Variants in PLA2G6 observed in about 807,000 individuals in gnomAD.
PLA2G6 encodes phospholipase A2 group VI.
In PLA2G6, 62 loss-of-function variants were observed where a neutral mutation model predicts 83.8. The observed-to-expected ratio is 0.74, with a 90% CI of 0.60 to 0.91. The LOEUF is 0.91. Ranked by LOEUF, PLA2G6 falls within the 40% of genes least tolerant of loss-of-function variation. The probability of loss-of-function intolerance (pLI) is 0.00; values close to 1 mark genes in which losing one functional copy is unlikely to be tolerated. For synonymous variants in PLA2G6, 417 were observed against 449.8 expected (o/e 0.93, Z 0.92); for missense variants, 944 against 1,102.0 (o/e 0.86, Z 2.03).
rs1265508339 is a variant in PLA2G6 at position 38,126,497 on chromosome 22, C to T, written c.1349-48G>A. 22 of 1,428,648 alleles carry T rather than the reference C, an allele frequency of 1.5e-5. No homozygotes were observed. In the East Asian group the frequency reaches 5.0e-4, roughly 32 times the overall value. 88.5% of individuals were successfully genotyped at this position (1,428,648 alleles called of 1,614,324 possible). Reference sequence around the variant, plus strand: ...TGCTGTGGTCAGGTGGGTCCCCAAGCCCTGCTACCCCAGAGGTCCCTAGAT... The same window carrying T: ...TGCTGTGGTCAGGTGGGTCCCCAAGTCCTGCTACCCCAGAGGTCCCTAGAT... On this transcript the variant is annotated intron_variant, in intron 9 of 16. Transcript: ENST00000332509.
chr22:38,113,669 A>C lies in PLA2G6; in HGVS notation c.2035-15T>G. On this transcript the variant is annotated splice_polypyrimidine_tract_variant and intron_variant, in intron 14 of 16. Transcript: ENST00000332509. ...TTGGCCTGACCCTGTTGGGAACAGG[A>C]CAGGGGCAGTCAGAAGAGACCTTCC... 6.2e-7 allele frequency: 1 copy of C among 1,613,028 alleles called. No homozygotes were observed. The highest frequency in any genetic ancestry group is 8.5e-7 in the Non-Finnish European group (1 of 1,179,708).
chr22:38,124,254 G>A (rs1039751567), intron 10 of PLA2G6, among the ~76,000 whole-genome samples: 6 of 152,088 alleles, frequency 3.9e-5, no homozygotes, highest in Admixed American at 3.3e-4. Flanking sequence ...TGATCCTCCC[G>A]AGTAGCTGGG....
intron 2 of PLA2G6, among the ~76,000 whole-genome samples, chr22:38,157,163 A>T (rs1020868753): frequency 5.3e-5 from 8 of 152,172 alleles, no homozygotes; most frequent in Non-Finnish European, 1.2e-4. Context: ...AATACAAAAG[A>T]TCAACAAAAT....
At chr22:38,177,495 T>C (rs2090683265) in intron 1 of PLA2G6, among the ~76,000 whole-genome samples, 1 of 143,486 alleles carries the variant, frequency 7.0e-6, no homozygotes, top group Admixed American at 7.3e-5. Context: ...AGAGTTTCAC[T>C]CTTGTTGCCC....
chr22:38,126,194 C>T (rs368148121), intron 10 of PLA2G6, 177 bp downstream of exon 10: 75 of 681,930 alleles, frequency 1.1e-4, no homozygotes, highest in Middle Eastern at 1.0e-3. Context: ...CATTAATGAA[C>T]GAGCGACACA....
intron 2 of PLA2G6, among the ~76,000 whole-genome samples, chr22:38,159,627 G>A (rs933810467): frequency 3.3e-5 from 5 of 152,072 alleles, no homozygotes; most frequent in African/African-American, 1.2e-4. Flanking sequence ...CTACTCAGGA[G>A]GCTGAGGCAG....
chr22:38,126,830 G>C (rs1273457524), intron 9 of PLA2G6: 1 of 353,604 alleles, frequency 2.8e-6, no homozygotes, highest in Non-Finnish European at 5.3e-6. Flanking sequence ...AACCACCTGG[G>C]GCCTAAGAAT....
chr22:38,127,318 C>CGCA, intron 9 of PLA2G6: 4 of 1,288,668 alleles, frequency 3.1e-6, no homozygotes, highest in Non-Finnish European at 4.1e-6. Flanking sequence ...GTGGTGTGTG[C>CGCA]GCAGCTAAGA....
At chr22:38,156,298 C>A (rs1458718254) in intron 2 of PLA2G6, among the ~76,000 whole-genome samples, 2 of 152,118 alleles carry the variant, frequency 1.3e-5, no homozygotes, top group East Asian at 1.9e-4. Context: ...GAAACACCAG[C>A]CTTAGTCTGC....
At chr22:38,169,550 A>C (rs547258783) in intron 1 of PLA2G6, 79 bp from the exon 2 acceptor site, 2 of 787,386 alleles carry the variant, frequency 2.5e-6, no homozygotes, top group Middle Eastern at 3.2e-4. Context: ...TTTCCTGCAC[A>C]GACACCCAGA....
intron 2 of PLA2G6, among the ~76,000 whole-genome samples, chr22:38,155,017 G>A (rs1171407584): frequency 6.6e-6 from 1 of 152,170 alleles, no homozygotes; most frequent in Non-Finnish European, 1.5e-5. Flanking sequence ...CACAAGGTCA[G>A]GAGATCGAGA....
intron 4 of PLA2G6, chr22:38,140,507 T>A (rs1033987911): frequency 7.2e-6 from 2 of 276,180 alleles, no homozygotes; most frequent in Admixed American, 4.8e-5. Flanking sequence ...AAACTCTGTC[T>A]AAAAAAAAAG....
chr22:38,111,785 G>A lies in PLA2G6; in HGVS notation c.*376C>T, dbSNP rs577181528. ...CACCAGGAAGCCTGGGAGTGCCCTT[G>A]CTGGGGGCTGGGGCAGAGGCAGCCC... On this transcript the variant is annotated 3_prime_UTR_variant, in exon 17 of 17. Coordinates refer to ENST00000332509, the MANE Select transcript of PLA2G6 (RefSeq NM_003560.4). 15 of 354,984 alleles carry A rather than the reference G, an allele frequency of 4.2e-5. No individual in the cohort carries two copies. Among genetic ancestry groups the A allele is most frequent in the South Asian group, 3.0e-4 (13 of 43,978 alleles). 22.0% of individuals were successfully genotyped at this position (354,984 alleles called of 1,614,324 possible). A position where few individuals can be genotyped will look rare whatever the true frequency, so the allele number is the denominator to read the frequency against.
chr22:38,135,100 C>T lies in PLA2G6; in HGVS notation c.798-16G>A, dbSNP rs1358733353. On this transcript the variant is annotated splice_polypyrimidine_tract_variant and intron_variant, in intron 5 of 16. Transcript: ENST00000332509. ...CTCCGCACACCTGGTGAGAGAGGGGCCCCGGTTGGTGAGCAGAAGCTAGGG... is the reference window on the plus strand; with the variant it reads ...CTCCGCACACCTGGTGAGAGAGGGGTCCCGGTTGGTGAGCAGAAGCTAGGG... The T allele has an allele frequency of 1.9e-6, 3 of 1,601,706 alleles. No homozygotes were observed. The East Asian group carries it at 6.7e-5, about 36-fold the overall frequency.
At chr22:38,180,850 G>A (rs557666640) in intron 1 of PLA2G6, among the ~76,000 whole-genome samples, 1 of 152,284 alleles carries the variant, frequency 6.6e-6, no homozygotes, top group Non-Finnish European at 1.5e-5. Flanking sequence ...CCAAACTCCA[G>A]GCAGAAACTC....
chr22:38,145,978 A>T, intron 2 of PLA2G6: 1 of 363,252 alleles, frequency 2.8e-6, no homozygotes, highest in Non-Finnish European at 5.3e-6. Flanking sequence ...GGCTGAAGGG[A>T]TCCTCCTACC....
intron 2 of PLA2G6, among the ~76,000 whole-genome samples, chr22:38,161,248 G>A (rs1279848538): frequency 1.3e-5 from 2 of 152,124 alleles, no homozygotes; most frequent in African/African-American, 4.8e-5. Flanking sequence ...CAGTTCTAGA[G>A]GCTAGGAAGT....
intron 8 of PLA2G6, 37 bp downstream of exon 8, chr22:38,129,417 C>G: frequency 2.1e-6 from 3 of 1,424,924 alleles, no homozygotes; most frequent in Non-Finnish European, 3.0e-6. Context: ...CCACCCAACC[C>G]TCACCCCACT....
At position 38,145,511 on chromosome 22, in the gene PLA2G6, G is replaced by C; in HGVS notation, c.352C>G (p.Pro118Ala). ...QHLTDLIRNH[P>A]SWSVAHLAVE... Reference sequence around the variant, plus strand: ...GCCAGGTGGGCCACTGACCAGCTGGGGTGGTTACGGATGAGGTCGGTCAGG... The same window carrying C: ...GCCAGGTGGGCCACTGACCAGCTGGCGTGGTTACGGATGAGGTCGGTCAGG... Residue 118 changes from proline to alanine, a missense_variant, in exon 3 of 17, where the codon CCC becomes GCC. Transcript: ENST00000332509. 6.2e-7 allele frequency: 1 copy of C among 1,613,234 alleles called. No homozygotes were observed.
Sources: allele counts gnomAD v4.1 joint callset (sites outside exome capture counted in the v4.1 genomes callset), GRCh38; gene constraint gnomAD v4.1.1; transcripts MANE v1.5; gene names NCBI Gene and HGNC (gene_info 2026-07-23, HGNC 2026-07-21).